NAV2: variants seen among roughly 807,000 people sequenced by gnomAD.
The protein encoded by NAV2 is helicase, APC down-regulated 1.
NAV2 carries 54 observed loss-of-function variants against 223.2 expected under a neutral mutation model. The observed-to-expected ratio is 0.24, with a 90% CI of 0.19 to 0.30. NAV2 has a LOEUF of 0.30. Among genes scored for constraint, NAV2 ranks in the 10% least tolerant of loss-of-function variants. NAV2 has a pLI of 1.00. For synonymous variants in NAV2, 1,279 were observed against 1,239.3 expected, an observed-to-expected ratio of 1.03 and a Z score of -0.67; for missense variants, 2,806 against 3,147.5, an observed-to-expected ratio of 0.89 and a Z score of 2.60.
chr11:19,597,121 G>A lies in NAV2; in HGVS notation c.76-235363G>A, dbSNP rs115555417. 3.1e-3 allele frequency among the ~76,000 whole-genome samples: 478 copies of A among 152,282 alleles called. 5 individuals are homozygous for A. Among genetic ancestry groups the A allele is most frequent in the African/African-American group, 0.011 (454 of 41,562 alleles). On this transcript the variant is annotated intron_variant, in intron 1 of 37. Transcript: ENST00000360655. ...TCAGCAACCAGGTGAGTTTCCATAGGTGACTTTGTCTCTCTGAGCCAAGTT... is the reference window on the plus strand; with the variant it reads ...TCAGCAACCAGGTGAGTTTCCATAGATGACTTTGTCTCTCTGAGCCAAGTT...
At position 19,513,013 on chromosome 11, in the gene NAV2, G is replaced by T. The variant is rs368333440; in HGVS notation, c.75+161986G>T. Among the ~76,000 whole-genome samples, 5 of 152,316 alleles carry T rather than the reference G, an allele frequency of 3.3e-5. No homozygotes were observed. In the East Asian group the frequency reaches 9.7e-4, roughly 29 times the overall value. On this transcript the variant is annotated intron_variant, in intron 1 of 37. Transcript: ENST00000360655. The stretch of plus-strand genomic sequence containing the variant: ...AGAAGGACGATACGTAACTCTACCT[G>T]CACAGAGACCCAGGCTGGGGCAGGG...
chr11:19,671,868 A>G (rs1457793594), intron 1 of NAV2, among the ~76,000 whole-genome samples: 1 of 152,146 alleles, frequency 6.6e-6, no homozygotes, highest in Non-Finnish European at 1.5e-5. Flanking sequence ...AACCTTTAGG[A>G]GCTCCTCCTG....
intron 11 of NAV2, among the ~76,000 whole-genome samples, chr11:20,008,423 C>T (rs1269001332): frequency 6.6e-6 from 1 of 152,186 alleles, no homozygotes; most frequent in Non-Finnish European, 1.5e-5. Context: ...TTCTCTATCA[C>T]TTTGACTCTT....
In NAV2 at chr11:20,062,323, C is replaced by G. The variant is rs779419572; in HGVS notation, c.4848C>G (p.Leu1616=). 6.2e-7 allele frequency: 1 copy of G among 1,611,416 alleles called. No individual in the cohort carries two copies. Among genetic ancestry groups the G allele is most frequent in the South Asian group, 1.1e-5 (1 of 90,938 alleles). The change falls in exon 20 of 38, where the codon CTC becomes CTG. Residue 1616 remains leucine (L), a synonymous_variant. Transcript: ENST00000349880. ...TTTTAATAGTTCATGGATCCTCACTCTCCTTGGTTTCCAGCACATCGTCAG... is the reference window on the plus strand; with the variant it reads ...TTTTAATAGTTCATGGATCCTCACTGTCCTTGGTTTCCAGCACATCGTCAG... ...DGFEEVHGSS[L]SLVSSTSSVY...
Position 19,423,868 on chromosome 11 carries a change from A to G in NAV2, c.75+72841A>G, listed in dbSNP as rs527424857. ...TTTTGCTTGGGACGGGCCATCTGTG[A>G]TTGAGAAATAACTAGGAAGTTCTCT... On this transcript the variant is annotated intron_variant, in intron 1 of 37. Transcript: ENST00000360655. Among the ~76,000 whole-genome samples, 4 of 152,296 alleles carry G rather than the reference A, an allele frequency of 2.6e-5. No individual in the cohort carries two copies. In the South Asian group the frequency reaches 8.3e-4, roughly 32 times the overall value.
intron 1 of NAV2, among the ~76,000 whole-genome samples, chr11:19,766,585 T>C (rs553622074): frequency 6.6e-6 from 1 of 152,152 alleles, no homozygotes; most frequent in South Asian, 2.1e-4. Flanking sequence ...GCAAACCAAG[T>C]TGGTGTGGAT....
intron 11 of NAV2, among the ~76,000 whole-genome samples, chr11:19,988,339 T>C (rs10833215): frequency 0.7 from 106,110 of 152,102 alleles, 37,946 homozygotes; most frequent in Middle Eastern, 0.83. Context: ...TTGGAACTAC[T>C]TGGTAACTTT....
At chr11:19,560,341 G>A (rs1778997422) in intron 1 of NAV2, among the ~76,000 whole-genome samples, 1 of 152,114 alleles carries the variant, frequency 6.6e-6, no homozygotes, top group African/African-American at 2.4e-5. Context: ...TTCTCACTGG[G>A]GTGCGGGGCA....
rs574473139 is a variant in NAV2, at chr11:19,586,489, T to G, written c.75+235462T>G. ...AGAGTTTCCAGTTTTTCTGCTCTGT[T>G]TTTTCCCCATCTTTGTGGTTTTATC... is the stretch of plus-strand genomic sequence containing the variant. On this transcript the variant is annotated intron_variant, in intron 1 of 37. Transcript: ENST00000360655. Among the ~76,000 whole-genome samples, 3 of 152,322 alleles carry G rather than the reference T, an allele frequency of 2.0e-5. No individual in the cohort carries two copies. The East Asian group carries it at 5.8e-4, about 29-fold the overall frequency.
At chr11:19,507,231 A>G (rs1439612623) in intron 1 of NAV2, 1 of 152,232 alleles carries the variant, frequency 6.6e-6, no homozygotes, top group Non-Finnish European at 1.5e-5. Flanking sequence ...ATGTATGTAT[A>G]AAGTTGCTGT....
chr11:20,080,213 A>C lies in NAV2; in HGVS notation c.5325+4A>C. 6.2e-7 allele frequency: 1 copy of C among 1,613,118 alleles called. No individual in the cohort carries two copies. On this transcript the variant is annotated splice_donor_region_variant and intron_variant, in intron 25 of 37. Coordinates refer to ENST00000349880, the MANE Select transcript of NAV2 (RefSeq NM_145117.5). ...GAAGAAGAAGCGGAAGAACTGGGTG[A>C]GTGCACATCCACTCTCCTGGGGACT...
At chr11:19,464,911 C>G (rs1281440460) in intron 1 of NAV2, among the ~76,000 whole-genome samples, 2 of 152,152 alleles carry the variant, frequency 1.3e-5, no homozygotes, top group African/African-American at 4.8e-5. Flanking sequence ...GCACAGAAAC[C>G]CTGTTTAGTC....
intron 1 of NAV2, among the ~76,000 whole-genome samples, chr11:19,524,220 T>C (rs2043773424): frequency 6.6e-6 from 1 of 152,208 alleles, no homozygotes; most frequent in African/African-American, 2.4e-5. Context: ...GATGGATGAC[T>C]GGAGGAATGA....
chr11:19,895,496 A>G (rs973916620), intron 6 of NAV2, among the ~76,000 whole-genome samples: 6 of 152,220 alleles, frequency 3.9e-5, no homozygotes, highest in Admixed American at 3.9e-4. Context: ...CTCGCTGGTA[A>G]CTAAGCACTG....
chr11:19,959,331 G>A (rs1293088324), intron 10 of NAV2, among the ~76,000 whole-genome samples: 2 of 152,196 alleles, frequency 1.3e-5, no homozygotes, highest in Non-Finnish European at 1.5e-5. Flanking sequence ...CACCCTGCGT[G>A]TCCATAGTTC....
chr11:20,109,101 G>GT (rs11376820), intron 36 of NAV2, among the ~76,000 whole-genome samples: 104,447 of 151,642 alleles, frequency 0.69, 40,291 homozygotes, highest in Non-Finnish European at 0.88. Context: ...TGTCATTTCT[G>GT]GTAGGGCTGA....
At chr11:20,082,863 T>C in intron 25 of NAV2, 144 bp from the exon 26 acceptor site, 1 of 819,750 alleles carries the variant, frequency 1.2e-6, no homozygotes, top group Non-Finnish European at 1.9e-6. Flanking sequence ...ATGCACTGAT[T>C]CAAAAGAGCT....
rs150656648 is a variant in NAV2, at chr11:19,999,352, T to A, written c.2768+15105T>A. ...TGGGAGACTGACTGGTTTAACCCAG[T>A]CTATTATTGCTTTGGGAAAATGTGG... is the stretch of plus-strand genomic sequence containing the variant. On this transcript the variant is annotated intron_variant, in intron 11 of 37. Coordinates refer to ENST00000349880, the MANE Select transcript of NAV2 (RefSeq NM_145117.5). Among the ~76,000 whole-genome samples the A allele has an allele frequency of 3.4e-3, 514 of 152,338 alleles. 2 individuals are homozygous for A. Among genetic ancestry groups the A allele is most frequent in the African/African-American group, 0.012 (486 of 41,572 alleles).
rs1055974506 is a variant in NAV2, at chr11:19,995,592, G to A, written c.2768+11345G>A. ...GATGGCAGGTAAAGAAGAATGTCTG[G>A]ACCTGAAGAACCAGAATGAAATCTT... On this transcript the variant is annotated intron_variant, in intron 11 of 37. Transcript: ENST00000349880. 1.1e-4 allele frequency among the ~76,000 whole-genome samples: 17 copies of A among 152,272 alleles called. 2 individuals carry two copies. The East Asian group carries it at 1.4e-3, about 12-fold the overall frequency.
Sources: gnomAD v4.1 joint callset for allele counts (sites outside exome capture counted in the v4.1 genomes callset) on GRCh38, gnomAD v4.1.1 for gene constraint, MANE v1.5 for transcripts, NCBI Gene and HGNC (gene_info 2026-07-23, HGNC 2026-07-21) for gene names.